ECHDC1: variants seen among roughly 807,000 people sequenced by gnomAD.
The protein encoded by ECHDC1 is ethylmalonyl-CoA decarboxylase 1, also known as ethylmalonyl-CoA decarboxylase.
A neutral mutation model predicts 29.7 loss-of-function variants in ECHDC1; 29 were observed. That is an observed-to-expected ratio of 0.98 (90% CI 0.73 to 1.33). ECHDC1 has a LOEUF of 1.33. Among genes scored for constraint, ECHDC1 ranks in the 40% most tolerant of loss-of-function variants. The pLI is 0.00. For missense variants in ECHDC1, 328 were observed against 350.0 expected (o/e 0.94, Z 0.50); for synonymous variants, 126 against 123.1 (o/e 1.02, Z -0.15).
intron 5 of ECHDC1, among the ~76,000 whole-genome samples, chr6:127,290,651 T>G (rs1482904892): frequency 1.3e-5 from 2 of 152,132 alleles, no homozygotes; most frequent in East Asian, 1.9e-4. Flanking sequence ...CATAGTAAGT[T>G]AAGGTTCTCA....
rs150323726 is a variant in ECHDC1 at position 127,311,987 on chromosome 6, T to C, written c.497+2829A>G. Among the ~76,000 whole-genome samples the C allele has an allele frequency of 3.3e-5, 5 of 152,042 alleles. No homozygotes were observed. The East Asian group carries it at 9.7e-4, about 29-fold the overall frequency. On this transcript the variant is annotated intron_variant, in intron 5 of 5. Coordinates refer to ENST00000454859, the MANE Select transcript of ECHDC1 (RefSeq NM_001002030.2). The stretch of plus-strand genomic sequence containing the variant: ...TTTCGTCAAGTTTTTCATAAGTGTA[T>C]AGTTAGTGCAAATGAGAAGTTGAAA...
chr6:127,305,024 C>A (rs1197337494), intron 5 of ECHDC1, among the ~76,000 whole-genome samples: 1 of 152,162 alleles, frequency 6.6e-6, no homozygotes, highest in Non-Finnish European at 1.5e-5. Context: ...GAGCTTCCAA[C>A]ACCTAGAGAT....
intron 2 of ECHDC1, among the ~76,000 whole-genome samples, chr6:127,328,859 T>C (rs1014769027): frequency 2.6e-5 from 4 of 152,026 alleles, no homozygotes; most frequent in Admixed American, 2.0e-4. Context: ...ACCCCTTCTC[T>C]ACTAAAAATA....
intron 1 of ECHDC1, among the ~76,000 whole-genome samples, chr6:127,334,649 C>T (rs575530599): frequency 6.6e-6 from 1 of 152,154 alleles, no homozygotes; most frequent in South Asian, 2.1e-4. Flanking sequence ...CAATACAGAA[C>T]ACCAAATAAC....
At chr6:127,306,824 T>C (rs1781479303) in intron 5 of ECHDC1, among the ~76,000 whole-genome samples, 1 of 152,170 alleles carries the variant, frequency 6.6e-6, no homozygotes, top group South Asian at 2.1e-4. Flanking sequence ...TAGAAACAAA[T>C]GTACCTAATA....
intron 2 of ECHDC1, among the ~76,000 whole-genome samples, 168 bp downstream of exon 2, chr6:127,330,641 A>C (rs1783837647): frequency 6.6e-6 from 1 of 152,170 alleles, no homozygotes; most frequent in Non-Finnish European, 1.5e-5. Flanking sequence ...AAGTTACTTA[A>C]AGTGTTTCTA....
At chr6:127,315,857 T>A (rs1782322888) in intron 4 of ECHDC1, 1 of 430,048 alleles carries the variant, frequency 2.3e-6, no homozygotes, top group Non-Finnish European at 4.8e-6. Flanking sequence ...TTCATAATTT[T>A]AAATTTGTCT....
At chr6:127,340,549 G>C (rs1046413175) in intron 1 of ECHDC1, among the ~76,000 whole-genome samples, 1 of 152,202 alleles carries the variant, frequency 6.6e-6, no homozygotes, top group Non-Finnish European at 1.5e-5. Flanking sequence ...AAACCTGGGA[G>C]GCCTACATAT....
At position 127,290,274 on chromosome 6, in the gene ECHDC1, T is replaced by C. The variant is rs779704473; in HGVS notation, c.501A>G (p.Leu167=). The C allele has an allele frequency of 3.7e-6, 6 of 1,608,332 alleles. No individual in the cohort carries two copies. Among genetic ancestry groups the C allele is most frequent in the Non-Finnish European group, 5.1e-6 (6 of 1,177,506 alleles). Residue 167 remains leucine (L), a synonymous_variant, in exon 6 of 6, where the codon TTA becomes TTG. Coordinates refer to ENST00000454859, the MANE Select transcript of ECHDC1 (RefSeq NM_001002030.2). The part of the protein sequence containing the change: ...AEFTTACDFR[L]MTPESKIRFV... ...ATCTGATCTTACTCTCTGGAGTCAT[T>C]AACCTGTAAAAGAAAAAAGAAAAGC...
chr6:127,313,503 TAA>T, intron 5 of ECHDC1: 1 of 442,148 alleles, frequency 2.3e-6, no homozygotes, highest in South Asian at 1.6e-5. Flanking sequence ...ACGCCAGGCT[TAA>T]AAGTTTTTAA....
chr6:127,316,755 T>C (rs1283157319), intron 3 of ECHDC1, among the ~76,000 whole-genome samples: 3 of 152,054 alleles, frequency 2.0e-5, no homozygotes, highest in Admixed American at 1.3e-4. Flanking sequence ...ACAGATCACA[T>C]ACCCTAGATC....
intron 3 of ECHDC1, among the ~76,000 whole-genome samples, chr6:127,326,298 T>C (rs1783327799): frequency 6.6e-6 from 1 of 152,178 alleles, no homozygotes; most frequent in Non-Finnish European, 1.5e-5. Context: ...CATGGTAAGA[T>C]GTGCTTGCTT....
At chr6:127,297,703 TAAAC>T (rs1396450321) in intron 5 of ECHDC1, among the ~76,000 whole-genome samples, 2 of 152,114 alleles carry the variant, frequency 1.3e-5, no homozygotes, top group Non-Finnish European at 2.9e-5. Context: ...GACCTGCAGT[TAAAC>T]AAACAAGAGA....
rs1779862717 is a variant in ECHDC1 at position 127,288,939 on chromosome 6, C to T, written c.*930G>A. On this transcript the variant is annotated 3_prime_UTR_variant, in exon 6 of 6. Coordinates refer to ENST00000454859, the MANE Select transcript of ECHDC1 (RefSeq NM_001002030.2). The stretch of plus-strand genomic sequence containing the variant: ...ATGTTACAGTAGCAAATACTTTTGA[C>T]CTCTTGTGATGAGTCAGAACTAGAA... 2.0e-5 allele frequency: 3 copies of T among 151,992 alleles called. No homozygotes were observed. Among genetic ancestry groups the T allele is most frequent in the African/African-American group, 7.2e-5 (3 of 41,416 alleles). The allele number at this position is 151,992 out of a possible 1,614,324, so 9.4% of individuals were successfully genotyped here. A position where few individuals can be genotyped will look rare whatever the true frequency, so the allele number is the denominator to read the frequency against.
intron 5 of ECHDC1, among the ~76,000 whole-genome samples, chr6:127,314,214 T>G (rs1407206776): frequency 6.6e-6 from 1 of 152,210 alleles, no homozygotes. Context: ...GAAAGCAGTT[T>G]AAACCATGTC....
At chr6:127,340,420 T>C (rs1784826908) in intron 1 of ECHDC1, among the ~76,000 whole-genome samples, 1 of 152,172 alleles carries the variant, frequency 6.6e-6, no homozygotes, top group Non-Finnish European at 1.5e-5. Flanking sequence ...TAGGGCTGCC[T>C]TCAATTTGGG....
intron 1 of ECHDC1, among the ~76,000 whole-genome samples, chr6:127,332,990 G>A (rs184880006): frequency 5.9e-5 from 9 of 152,150 alleles, no homozygotes; most frequent in Admixed American, 4.6e-4. Context: ...ACAGAGTTTC[G>A]CCATTTTGGA....
Position 127,328,113 on chromosome 6 carries a change from C to A in ECHDC1, c.221-969G>T, listed in dbSNP as rs140710479. Among the ~76,000 whole-genome samples the A allele has an allele frequency of 7.4e-3, 1,126 of 152,326 alleles. 19 individuals are homozygous for A. Among genetic ancestry groups the A allele is most frequent in the South Asian group, 0.054 (261 of 4,822 alleles). ...CCACAATGTCAAGAACTATTATTTT[C>A]TTTGCCATTTTCTGAAGTAGCCAGG... is the stretch of plus-strand genomic sequence containing the variant. On this transcript the variant is annotated intron_variant, in intron 2 of 5. Coordinates refer to ENST00000454859, the MANE Select transcript of ECHDC1 (RefSeq NM_001002030.2).
chr6:127,289,781 A>T lies in ECHDC1; in HGVS notation c.*88T>A. The T allele has an allele frequency of 7.7e-7, 1 of 1,301,766 alleles. No homozygotes were observed. The highest frequency in any genetic ancestry group is 1.0e-6 in the Non-Finnish European group (1 of 955,902). 80.6% of individuals were successfully genotyped at this position (1,301,766 alleles called of 1,614,324 possible). ...CATATTAATAGTAGCCTTCAAAGTA[A>T]TTCTGATGTTCATATTTAATATCAT... is the stretch of plus-strand genomic sequence containing the variant. On this transcript the variant is annotated 3_prime_UTR_variant, in exon 6 of 6. Transcript: ENST00000454859.
Sources: allele counts gnomAD v4.1 joint callset (sites outside exome capture counted in the v4.1 genomes callset), GRCh38; gene constraint gnomAD v4.1.1; transcripts MANE v1.5; gene names NCBI Gene and HGNC (gene_info 2026-07-23, HGNC 2026-07-21).